The following KCNC2 variants were observed in gnomAD, a reference collection of about 807,000 sequenced individuals.
The protein encoded by KCNC2 is voltage-gated potassium channel KCNC2.
In KCNC2, 21 loss-of-function variants were observed where a neutral mutation model predicts 44.5. The observed-to-expected ratio is 0.47, with a 90% CI of 0.33 to 0.68. The LOEUF (loss-of-function observed/expected upper bound fraction) is 0.68. Among genes scored for constraint, KCNC2 ranks in the 30% least tolerant of loss-of-function variants. The pLI, the probability that KCNC2 is intolerant of heterozygous loss-of-function variation, is 0.01. For missense variants in KCNC2, 589 were observed against 826.2 expected (o/e 0.71, Z 3.52); for synonymous variants, 391 against 339.1 (o/e 1.15, Z -1.68).
chr12:75,106,010 C>A (rs1424634083), intron 2 of KCNC2, among the ~76,000 whole-genome samples: 1 of 150,990 alleles, frequency 6.6e-6, no homozygotes, highest in Non-Finnish European at 1.5e-5. Flanking sequence ...CCAGAAAATT[C>A]AATCATTAGG....
intron 2 of KCNC2, among the ~76,000 whole-genome samples, chr12:75,075,552 A>T (rs1883876126): frequency 6.6e-6 from 1 of 151,094 alleles, no homozygotes; most frequent in Non-Finnish European, 1.5e-5. Flanking sequence ...AAAACGAATT[A>T]GTGGAAGCCC....
At chr12:75,089,356 C>A (rs993682995) in intron 2 of KCNC2, among the ~76,000 whole-genome samples, 1 of 151,740 alleles carries the variant, frequency 6.6e-6, no homozygotes, top group African/African-American at 2.4e-5. Flanking sequence ...CTATGTAATA[C>A]TCCTGAATTA....
intron 2 of KCNC2, among the ~76,000 whole-genome samples, chr12:75,100,318 G>A (rs1276235631): frequency 6.6e-6 from 1 of 151,832 alleles, no homozygotes; most frequent in Non-Finnish European, 1.5e-5. Context: ...CTGGCCACAG[G>A]GAAAATTATA....
chr12:75,181,140 GA>G (rs1178679219), intron 2 of KCNC2, among the ~76,000 whole-genome samples: 2 of 151,762 alleles, frequency 1.3e-5, no homozygotes, highest in Non-Finnish European at 2.9e-5. Flanking sequence ...GGAAATGGAA[GA>G]AAAAAACTAA....
intron 2 of KCNC2, among the ~76,000 whole-genome samples, chr12:75,153,041 T>C (rs753886481): frequency 7.2e-5 from 11 of 152,000 alleles, no homozygotes; most frequent in Non-Finnish European, 1.5e-4. Context: ...CATGGATGAA[T>C]TTTTAGGTAT....
intron 2 of KCNC2, among the ~76,000 whole-genome samples, chr12:75,194,107 A>G (rs2137732729): frequency 6.6e-6 from 1 of 152,296 alleles, no homozygotes; most frequent in African/African-American, 2.4e-5. Flanking sequence ...TCAAAATGGA[A>G]AAATTAGGGT....
intron 2 of KCNC2, among the ~76,000 whole-genome samples, chr12:75,182,530 AAAAAAAAC>A (rs1286137993): frequency 5.9e-5 from 8 of 135,736 alleles, no homozygotes; most frequent in South Asian, 2.4e-4. Context: ...CAAAAAAAAA[AAAAAAAAC>A]AAAAAAAACA....
intron 2 of KCNC2, among the ~76,000 whole-genome samples, chr12:75,107,100 C>A (rs144110370): frequency 1.3e-5 from 2 of 151,932 alleles, no homozygotes; most frequent in African/African-American, 2.4e-5. Context: ...GTTAGGAGAT[C>A]GAGACCATCC....
At chr12:75,088,834 A>C (rs1177005433) in intron 2 of KCNC2, among the ~76,000 whole-genome samples, 2 of 152,006 alleles carry the variant, frequency 1.3e-5, no homozygotes, top group Non-Finnish European at 2.9e-5. Context: ...ATAATCTAAT[A>C]TATAAAACAA....
chr12:75,203,375 G>T (rs910693868), intron 2 of KCNC2, among the ~76,000 whole-genome samples: 2 of 151,738 alleles, frequency 1.3e-5, no homozygotes, highest in Non-Finnish European at 3.0e-5. Flanking sequence ...TTTTGGTAAT[G>T]CTGTAGAAGT....
intron 2 of KCNC2, among the ~76,000 whole-genome samples, chr12:75,134,030 A>C (rs1303880411): frequency 6.6e-6 from 1 of 151,974 alleles, no homozygotes; most frequent in East Asian, 1.9e-4. Context: ...ATTTCTCAAA[A>C]TTGTATTCTG....
At chr12:75,159,561 T>C (rs1890987113) in intron 2 of KCNC2, among the ~76,000 whole-genome samples, 1 of 151,856 alleles carries the variant, frequency 6.6e-6, no homozygotes, top group Non-Finnish European at 1.5e-5. Context: ...TCCCACCTTT[T>C]ACTCAAACCA....
chr12:75,089,242 A>G (rs1041062768), intron 2 of KCNC2, among the ~76,000 whole-genome samples: 1 of 151,896 alleles, frequency 6.6e-6, no homozygotes, highest in Non-Finnish European at 1.5e-5. Context: ...AAGTGCCTAT[A>G]TAATTCTACT....
intron 2 of KCNC2, among the ~76,000 whole-genome samples, chr12:75,153,913 A>G (rs1890582002): frequency 6.6e-6 from 1 of 151,910 alleles, no homozygotes; most frequent in African/African-American, 2.4e-5. Context: ...GTCTTGTCTC[A>G]GGGATGGCAG....
At chr12:75,059,359 T>C (rs184858225) in intron 2 of KCNC2, among the ~76,000 whole-genome samples, 3 of 152,206 alleles carry the variant, frequency 2.0e-5, no homozygotes, top group Non-Finnish European at 4.4e-5. Context: ...CTAAAATATT[T>C]CTTGCCTTTT....
intron 2 of KCNC2, among the ~76,000 whole-genome samples, chr12:75,131,173 A>G (rs1461888559): frequency 2.6e-5 from 4 of 152,194 alleles, no homozygotes; most frequent in Non-Finnish European, 5.9e-5. Flanking sequence ...AGCATAAAGA[A>G]GAAAATATTT....
chr12:75,207,451 T>C lies in KCNC2; in HGVS notation c.533A>G (p.Asp178Gly), dbSNP rs779127931. The change falls in exon 2 of 5, where the codon GAC becomes GGC. Residue 178 changes from aspartate (D) to glycine (G), a missense_variant. This residue lies in a region of KCNC2 where 97 missense variants were observed against 73.3 expected (regional missense o/e 1.32). Transcript: ENST00000549446. This position sits in a 1 kb window ranked among gnomAD's most constrained non-coding sequence, Gnocchi z 4.1. Reference sequence around the variant, plus strand: ...CGCCAGGTCCTCGTCGTCGCCGGGGTCGCCGCCAATGAGGTCGGGGGTCTC... The same window carrying C: ...CGCCAGGTCCTCGTCGTCGCCGGGGCCGCCGCCAATGAGGTCGGGGGTCTC... ...IFETPDLIGG[D>G]PGDDEDLAAK... 6.2e-7 allele frequency: 1 copy of C among 1,609,352 alleles called. No homozygotes were observed. Among genetic ancestry groups the C allele is most frequent in the East Asian group, 2.2e-5 (1 of 44,696 alleles).
At chr12:75,052,921 T>G (rs1011410123) in intron 2 of KCNC2, among the ~76,000 whole-genome samples, 1 of 152,174 alleles carries the variant, frequency 6.6e-6, no homozygotes, top group Non-Finnish European at 1.5e-5. Context: ...TGCTCTTTCA[T>G]GCACATTTTC....
intron 2 of KCNC2, among the ~76,000 whole-genome samples, chr12:75,094,991 A>T (rs1442305337): frequency 1.3e-5 from 2 of 151,814 alleles, no homozygotes; most frequent in Admixed American, 6.6e-5. Context: ...TAAATTAACA[A>T]CTTCTAATGT....
Sources: gnomAD v4.1 joint callset for allele counts (sites outside exome capture counted in the v4.1 genomes callset) on GRCh38, gnomAD v4.1.1 for gene constraint, gnomAD v4.1.1 regional missense constraint, Gnocchi (gnomAD v3.1) non-coding constraint, MANE v1.5 for transcripts, NCBI Gene and HGNC (gene_info 2026-07-23, HGNC 2026-07-21) for gene names.